The following GRIK2 variants were observed in gnomAD, a reference collection of about 807,000 sequenced individuals.
GRIK2 encodes the protein glutamate ionotropic receptor kainate type subunit 2, also known as glutamate receptor ionotropic, kainate 2.
In GRIK2, 32 loss-of-function variants were observed where a neutral mutation model predicts 100.3. That is an observed-to-expected ratio of 0.32 (90% confidence interval 0.24 to 0.43). The LOEUF is 0.43. Ranked by LOEUF, GRIK2 falls within the 20% of genes least tolerant of loss-of-function variation. The pLI, the probability that GRIK2 is intolerant of heterozygous loss-of-function variation, is 1.00. For synonymous variants in GRIK2, 417 were observed against 389.4 expected (o/e 1.07, Z -0.83); for missense variants, 843 against 1,114.9 (o/e 0.76, Z 3.47).
intron 14 of GRIK2, among the ~76,000 whole-genome samples, chr6:101,980,531 C>A (rs954660439): frequency 6.6e-6 from 1 of 151,838 alleles, no homozygotes; most frequent in Non-Finnish European, 1.5e-5. Context: ...ATTGTACAAC[C>A]AACAATCTTT....
At chr6:101,818,269 C>T in intron 9 of GRIK2, 101 bp from the exon 10 acceptor site, 1 of 666,474 alleles carries the variant, frequency 1.5e-6, no homozygotes, top group Middle Eastern at 2.5e-4. Flanking sequence ...GACAATGCAG[C>T]AAAGGTGAAT....
intron 7 of GRIK2, among the ~76,000 whole-genome samples, chr6:101,785,330 C>G (rs1779354228): frequency 6.6e-6 from 1 of 151,926 alleles, no homozygotes; most frequent in African/African-American, 2.4e-5. Flanking sequence ...TTTTTGTGTC[C>G]CATATGTCTA....
intron 2 of GRIK2, among the ~76,000 whole-genome samples, chr6:101,552,859 A>C (rs1214156852): frequency 1.3e-5 from 2 of 152,198 alleles, no homozygotes; most frequent in African/African-American, 4.8e-5. Context: ...TTTAAAGATG[A>C]TCAATAGGAA....
chr6:102,045,756 G>A (rs1377736606), intron 15 of GRIK2, among the ~76,000 whole-genome samples: 2 of 151,992 alleles, frequency 1.3e-5, no homozygotes, highest in African/African-American at 4.8e-5. Context: ...GAGAGCATAT[G>A]ACAAGATGCT....
intron 2 of GRIK2, among the ~76,000 whole-genome samples, chr6:101,586,369 C>T (rs1309226567): frequency 1.3e-5 from 2 of 152,016 alleles, no homozygotes; most frequent in East Asian, 3.9e-4. Flanking sequence ...TTTTACTCTC[C>T]TCATGGTACA....
intron 15 of GRIK2, among the ~76,000 whole-genome samples, chr6:102,053,290 T>G (rs2782890): frequency 0.38 from 58,339 of 151,910 alleles, 11,546 homozygotes; most frequent in Middle Eastern, 0.47. Context: ...AAGCATTTAT[T>G]TTGCAGGGAA....
At chr6:101,450,768 A>G (rs907386426) in intron 2 of GRIK2, among the ~76,000 whole-genome samples, 1 of 151,910 alleles carries the variant, frequency 6.6e-6, no homozygotes, top group Non-Finnish European at 1.5e-5. Context: ...GGAATAAAAT[A>G]GAGAAGTAAA....
chr6:102,040,057 C>G (rs1239396680), intron 15 of GRIK2, among the ~76,000 whole-genome samples: 1 of 151,336 alleles, frequency 6.6e-6, no homozygotes, highest in Non-Finnish European at 1.5e-5. Flanking sequence ...GAATTCCAGT[C>G]AGTGAGTGTA....
intron 15 of GRIK2, among the ~76,000 whole-genome samples, chr6:102,043,185 T>A (rs1770687429): frequency 6.6e-6 from 1 of 151,802 alleles, no homozygotes; most frequent in African/African-American, 2.4e-5. Flanking sequence ...AGTTATAATG[T>A]GTATATTTAT....
intron 2 of GRIK2, among the ~76,000 whole-genome samples, chr6:101,505,795 A>G (rs535177959): frequency 8.7e-5 from 13 of 148,826 alleles, no homozygotes; most frequent in Non-Finnish European, 7.4e-5. Flanking sequence ...AAAAAAAACT[A>G]GAAATCAGAA....
intron 7 of GRIK2, among the ~76,000 whole-genome samples, chr6:101,791,969 C>CT (rs1475508530): frequency 1.1e-4 from 17 of 151,986 alleles, no homozygotes; most frequent in African/African-American, 4.1e-4. Flanking sequence ...TAATGGCCTT[C>CT]TTTGTCTCTT....
intron 2 of GRIK2, among the ~76,000 whole-genome samples, chr6:101,621,546 A>G (rs567572307): frequency 2.0e-5 from 3 of 152,180 alleles, no homozygotes; most frequent in Non-Finnish European, 4.4e-5. Context: ...GTATATATCA[A>G]TGAAGAGGAT....
At chr6:101,880,358 A>G (rs1428716670) in intron 11 of GRIK2, among the ~76,000 whole-genome samples, 1 of 152,090 alleles carries the variant, frequency 6.6e-6, no homozygotes, top group Non-Finnish European at 1.5e-5. Context: ...CAAATATTCC[A>G]TAAATCTTCT....
At chr6:101,725,426 TAGA>T (rs1179430052) in intron 7 of GRIK2, among the ~76,000 whole-genome samples, 1 of 152,050 alleles carries the variant, frequency 6.6e-6, no homozygotes, top group Non-Finnish European at 1.5e-5. Context: ...TGTCTTATAG[TAGA>T]AGAAGATATT....
At chr6:101,550,661 TAC>T (rs1424760167) in intron 2 of GRIK2, among the ~76,000 whole-genome samples, 1 of 152,196 alleles carries the variant, frequency 6.6e-6, no homozygotes, top group East Asian at 1.9e-4. Flanking sequence ...AAACTACTAT[TAC>T]AGTGGGGAAT....
intron 2 of GRIK2, among the ~76,000 whole-genome samples, chr6:101,505,118 A>C (rs544852897): frequency 6.7e-6 from 1 of 149,948 alleles, no homozygotes; most frequent in Non-Finnish European, 1.5e-5. Context: ...TATGTTTAGT[A>C]TTTGGTCAAT....
intron 10 of GRIK2, among the ~76,000 whole-genome samples, chr6:101,858,596 A>G (rs1035503372): frequency 2.6e-5 from 4 of 151,652 alleles, no homozygotes; most frequent in South Asian, 2.1e-4. Context: ...TCACCGTGTT[A>G]GCCAGGATGG....
chr6:102,047,678 G>C (rs1423853305), intron 15 of GRIK2, among the ~76,000 whole-genome samples: 1 of 151,884 alleles, frequency 6.6e-6, no homozygotes, highest in African/African-American at 2.4e-5. Context: ...TAACCCAGGA[G>C]GCAGAGGTTG....
intron 7 of GRIK2, among the ~76,000 whole-genome samples, chr6:101,759,774 A>C (rs1265805273): frequency 6.6e-6 from 1 of 151,348 alleles, no homozygotes; most frequent in Admixed American, 6.6e-5. Flanking sequence ...TCAATAATTG[A>C]CTGTTTTAAA....
Sources: gnomAD v4.1 joint callset for allele counts (sites outside exome capture counted in the v4.1 genomes callset) on GRCh38, gnomAD v4.1.1 for gene constraint, MANE v1.5 for transcripts, NCBI Gene and HGNC (gene_info 2026-07-23, HGNC 2026-07-21) for gene names.